The following VTA1 variants were observed in gnomAD, a reference collection of about 807,000 sequenced individuals.
VTA1 encodes the protein vacuolar protein sorting-associated protein VTA1 homolog.
VTA1 carries 24 observed loss-of-function variants against 36.9 expected under a neutral mutation model. The ratio of observed to expected loss-of-function variants is 0.65; its 90% CI spans 0.47 to 0.91. The LOEUF is 0.91. VTA1 is among the 40% of genes least tolerant of loss of function. The pLI, the probability that VTA1 is intolerant of heterozygous loss-of-function variation, is 0.00. For synonymous variants in VTA1, 142 were observed against 130.2 expected (o/e 1.09, Z -0.62); for missense variants, 393 against 377.2 (o/e 1.04, Z -0.35).
chr6:142,197,287 T>C (rs1299682446), intron 5 of VTA1, among the ~76,000 whole-genome samples: 1 of 152,200 alleles, frequency 6.6e-6, no homozygotes, highest in Non-Finnish European at 1.5e-5. Flanking sequence ...TAAATTTAAC[T>C]TTTTTTCTTG....
intron 1 of VTA1, among the ~76,000 whole-genome samples, chr6:142,156,414 T>A (rs1412589976): frequency 3.3e-5 from 5 of 152,168 alleles, no homozygotes; most frequent in African/African-American, 1.2e-4. Context: ...GGAGATGCTT[T>A]CTGTTAATAG....
At chr6:142,156,739 A>G (rs1307131960) in intron 1 of VTA1, among the ~76,000 whole-genome samples, 2 of 152,216 alleles carry the variant, frequency 1.3e-5, no homozygotes, top group East Asian at 3.8e-4. Context: ...AATACAGTAT[A>G]GTTGTTCAGG....
chr6:142,160,264 A>G (rs915661168), intron 1 of VTA1, among the ~76,000 whole-genome samples: 4 of 152,150 alleles, frequency 2.6e-5, no homozygotes, highest in African/African-American at 7.2e-5. Context: ...TGGATTCTCT[A>G]CTGAATACCC....
chr6:142,209,869 T>C (rs1775868092), intron 7 of VTA1, among the ~76,000 whole-genome samples: 4 of 152,008 alleles, frequency 2.6e-5, no homozygotes, highest in Admixed American at 2.6e-4. Context: ...CCTATCAAAA[T>C]GCCAAAGACA....
chr6:142,206,382 G>A (rs1775790779), intron 7 of VTA1, among the ~76,000 whole-genome samples: 1 of 152,048 alleles, frequency 6.6e-6, no homozygotes, highest in Non-Finnish European at 1.5e-5. Flanking sequence ...AAATATTCAG[G>A]TATAAATGTA....
At chr6:142,169,402 A>T (rs546909982) in intron 2 of VTA1, 148 bp from the exon 3 acceptor site, 2 of 853,702 alleles carry the variant, frequency 2.3e-6, no homozygotes, top group South Asian at 3.4e-5. Flanking sequence ...GAGGCATAGC[A>T]GCTCTTTTTG....
intron 6 of VTA1, among the ~76,000 whole-genome samples, chr6:142,200,166 C>G (rs932838673): frequency 6.6e-6 from 1 of 152,082 alleles, no homozygotes; most frequent in Non-Finnish European, 1.5e-5. Flanking sequence ...AATTTTTCCT[C>G]TTTCTAATAT....
chr6:142,147,481 T>C, intron 1 of VTA1, 82 bp downstream of exon 1: 1 of 1,373,502 alleles, frequency 7.3e-7, no homozygotes, highest in South Asian at 1.2e-5. Flanking sequence ...TCTTGGGGCA[T>C]GCCCCGCCCC....
chr6:142,158,774 T>A (rs1778713818), intron 1 of VTA1, among the ~76,000 whole-genome samples: 1 of 152,154 alleles, frequency 6.6e-6, no homozygotes, highest in Admixed American at 6.5e-5. Flanking sequence ...GTGAAGTTAC[T>A]AGATATTCCT....
chr6:142,189,578 T>A, intron 5 of VTA1, 44 bp downstream of exon 5: 1 of 1,507,634 alleles, frequency 6.6e-7, no homozygotes, highest in Non-Finnish European at 9.2e-7. Flanking sequence ...AGTAGAATCA[T>A]AATTATTCAG....
At chr6:142,170,729 G>T (rs1028306081) in intron 4 of VTA1, among the ~76,000 whole-genome samples, 1 of 151,528 alleles carries the variant, frequency 6.6e-6, no homozygotes, top group Non-Finnish European at 1.5e-5. Context: ...GCCTGCCCGG[G>T]CTCAAGCAAT....
intron 4 of VTA1, among the ~76,000 whole-genome samples, chr6:142,172,656 ATTTTC>A (rs1388507054): frequency 2.0e-5 from 3 of 152,134 alleles, no homozygotes; most frequent in African/African-American, 4.8e-5. Context: ...AATGATCCAA[ATTTTC>A]TTTTCTTCTC....
intron 5 of VTA1, among the ~76,000 whole-genome samples, chr6:142,196,856 C>G (rs1176221048): frequency 1.3e-5 from 2 of 152,114 alleles, no homozygotes; most frequent in Admixed American, 6.5e-5. Context: ...TCCAGCAGAC[C>G]ATTGACTTGC....
chr6:142,162,988 C>T (rs1395711662), intron 1 of VTA1, among the ~76,000 whole-genome samples: 1 of 152,116 alleles, frequency 6.6e-6, no homozygotes, highest in Non-Finnish European at 1.5e-5. Context: ...AAAGAGAGCA[C>T]ATAAAATTGT....
At chr6:142,182,771 A>T (rs1333661608) in intron 4 of VTA1, among the ~76,000 whole-genome samples, 1 of 152,208 alleles carries the variant, frequency 6.6e-6, no homozygotes, top group Non-Finnish European at 1.5e-5. Context: ...CTTATACAAG[A>T]TCCTAAGGTT....
At chr6:142,188,525 A>G (rs1775390342) in intron 4 of VTA1, among the ~76,000 whole-genome samples, 1 of 151,722 alleles carries the variant, frequency 6.6e-6, no homozygotes, top group Non-Finnish European at 1.5e-5. Context: ...AAATAGTAAA[A>G]CCACGTTCGC....
chr6:142,217,985 AGTG>A (rs1210116454), intron 7 of VTA1, among the ~76,000 whole-genome samples: 1 of 152,178 alleles, frequency 6.6e-6, no homozygotes, highest in African/African-American at 2.4e-5. Flanking sequence ...TGTATATTTC[AGTG>A]ATATAAAATT....
At chr6:142,204,176 A>G in intron 7 of VTA1, 111 bp downstream of exon 7, 1 of 933,688 alleles carries the variant, frequency 1.1e-6, no homozygotes, top group Non-Finnish European at 1.7e-6. Flanking sequence ...TGAAATTTGA[A>G]TTTCTAGGTA....
In VTA1 at chr6:142,222,855, T is replaced by C. The variant is rs1254666716; in HGVS notation, c.*4212T>C. 2.0e-5 allele frequency: 3 copies of C among 152,220 alleles called. No individual in the cohort carries two copies. The highest frequency in any genetic ancestry group is 7.2e-5 in the African/African-American group (3 of 41,460). 9.4% of individuals were successfully genotyped at this position (152,220 alleles called of 1,614,324 possible). The stretch of plus-strand genomic sequence containing the variant: ...CAGATACTATTCTAAGTATTTTGCA[T>C]ATATTAATTCATTTAATCTTCACAG... On this transcript the variant is annotated 3_prime_UTR_variant, in exon 8 of 8. Transcript: ENST00000367630.
Sources: allele counts gnomAD v4.1 joint callset (sites outside exome capture counted in the v4.1 genomes callset), GRCh38; gene constraint gnomAD v4.1.1; transcripts MANE v1.5; gene names NCBI Gene and HGNC (gene_info 2026-07-23, HGNC 2026-07-21).